Variants in SEPTIN9 observed in about 807,000 individuals in gnomAD.
The protein encoded by SEPTIN9 is septin-9.
A neutral mutation model predicts 56.6 loss-of-function variants in SEPTIN9; 13 were observed. The ratio of observed to expected loss-of-function variants is 0.23; its 90% CI spans 0.15 to 0.37. The LOEUF (loss-of-function observed/expected upper bound fraction) is 0.37. SEPTIN9 is among the 10% of genes least tolerant of loss of function. The pLI is 1.00. For missense variants in SEPTIN9, 650 were observed against 823.1 expected (o/e 0.79, Z 2.57); for synonymous variants, 332 against 334.1 (o/e 0.99, Z 0.07).
chr17:77,281,566 G>T lies in SEPTIN9; in HGVS notation c.19+12G>T. 1 of 1,538,926 alleles carries T rather than the reference G, an allele frequency of 6.5e-7. No homozygotes were observed. Among genetic ancestry groups the T allele is most frequent in the Non-Finnish European group, 8.8e-7 (1 of 1,142,176 alleles). ...GAAGTCTTACTCAGGTGGGCTTCGC[G>T]CCCGGGGTGGGGAGGGGTCGGTGTC... On this transcript the variant is annotated intron_variant, in intron 1 of 11. Coordinates refer to ENST00000427177, the MANE Select transcript of SEPTIN9 (RefSeq NM_001113491.2).
intron 2 of SEPTIN9, among the ~76,000 whole-genome samples, chr17:77,379,341 C>A (rs1236187054): frequency 6.6e-6 from 1 of 151,788 alleles, no homozygotes; most frequent in African/African-American, 2.4e-5. Context: ...GTGCCCGGTA[C>A]ACAGTGGCCA....
At chr17:77,432,532 T>A (rs1253959321) in intron 3 of SEPTIN9, among the ~76,000 whole-genome samples, 1 of 152,224 alleles carries the variant, frequency 6.6e-6, no homozygotes, top group Non-Finnish European at 1.5e-5. Flanking sequence ...CAATGTGAAG[T>A]TCTTGGAGAC....
Position 77,402,725 on chromosome 17 carries a change from C to G in SEPTIN9, c.721+22C>G. ...GAGGGTGAGTCGCAGAGCGCTAGGT[C>G]TTGGATGCTGTGGTAATGGGGGGCC... On this transcript the variant is annotated intron_variant, in intron 3 of 11. Transcript: ENST00000427177. The surrounding 1 kb of genome is among the most constrained non-coding windows in gnomAD (Gnocchi z 6.6). The G allele has an allele frequency of 6.5e-7, 1 of 1,537,356 alleles. No homozygotes were observed. Among genetic ancestry groups the G allele is most frequent in the Non-Finnish European group, 8.7e-7 (1 of 1,145,814 alleles).
chr17:77,410,253 T>C (rs2144144401), intron 3 of SEPTIN9, among the ~76,000 whole-genome samples: 1 of 152,278 alleles, frequency 6.6e-6, no homozygotes, highest in East Asian at 1.9e-4. Context: ...CTGCTGCTAC[T>C]GGGTGTACTC....
intron 2 of SEPTIN9, among the ~76,000 whole-genome samples, chr17:77,354,888 G>T (rs2034177295): frequency 6.6e-6 from 1 of 152,014 alleles, no homozygotes. Context: ...ACCTGGCGTG[G>T]CAGGCCCGAG....
chr17:77,462,906 T>C (rs1025393004), intron 3 of SEPTIN9, among the ~76,000 whole-genome samples: 4 of 152,190 alleles, frequency 2.6e-5, no homozygotes, highest in Non-Finnish European at 5.9e-5. Flanking sequence ...CCTTCCAAAG[T>C]GCTGGGATTG....
chr17:77,315,975 A>G (rs1265894637), intron 2 of SEPTIN9, among the ~76,000 whole-genome samples: 1 of 152,190 alleles, frequency 6.6e-6, no homozygotes, highest in Non-Finnish European at 1.5e-5. Context: ...AGTTTCCCAA[A>G]GCCGTGGGCC....
At chr17:77,415,976 A>G (rs892352788) in intron 3 of SEPTIN9, among the ~76,000 whole-genome samples, 9 of 152,240 alleles carry the variant, frequency 5.9e-5, no homozygotes, top group Non-Finnish European at 1.2e-4. Flanking sequence ...AGGAATCAAC[A>G]CAGATAGTAT....
At chr17:77,431,130 C>G (rs1026556241) in intron 3 of SEPTIN9, among the ~76,000 whole-genome samples, 1 of 152,172 alleles carries the variant, frequency 6.6e-6, no homozygotes, top group Non-Finnish European at 1.5e-5. Context: ...CGCTTGAGGC[C>G]AGGCGTTCGA....
chr17:77,458,664 C>T (rs1030041962), intron 3 of SEPTIN9, among the ~76,000 whole-genome samples: 3 of 152,198 alleles, frequency 2.0e-5, no homozygotes, highest in Admixed American at 1.3e-4. Flanking sequence ...TTGTGTGTTA[C>T]CAGCTGCGGT....
rs1043173630 is a variant in SEPTIN9 at position 77,475,168 on chromosome 17, A to G, written c.722-6976A>G. ...AGAAAGCCGGGCTGGGGTGAGCGTG[A>G]TGGATGAGGTGTCTGGCTTCACAAA... On this transcript the variant is annotated intron_variant, in intron 3 of 11. Transcript: ENST00000427177. The surrounding 1 kb of genome is among the most constrained non-coding windows in gnomAD (Gnocchi z 4.6). 1.3e-5 allele frequency: 15 copies of G among 1,120,990 alleles called. No homozygotes were observed. Among genetic ancestry groups the G allele is most frequent in the African/African-American group, 4.8e-5 (3 of 63,128 alleles). 69.4% of individuals were successfully genotyped at this position (1,120,990 alleles called of 1,614,324 possible).
chr17:77,337,825 G>C (rs2033602800), intron 2 of SEPTIN9, among the ~76,000 whole-genome samples: 1 of 152,150 alleles, frequency 6.6e-6, no homozygotes, highest in South Asian at 2.1e-4. Context: ...CCTAGGGTTT[G>C]CTTCCAGACC....
rs2037202776 is a variant in SEPTIN9, at chr17:77,433,011, G to C, written c.721+30308G>C. Among the ~76,000 whole-genome samples the C allele has an allele frequency of 6.6e-6, 1 of 152,200 alleles. No homozygotes were observed. Among genetic ancestry groups the C allele is most frequent in the South Asian group, 2.1e-4 (1 of 4,836 alleles). ...TCAGAGAATCCCCTGTCGCCGTGGC[G>C]GGGCTGTTCCCTCCTGCCCCTCCCC... is the stretch of plus-strand genomic sequence containing the variant. On this transcript the variant is annotated intron_variant, in intron 3 of 11. Coordinates refer to ENST00000427177, the MANE Select transcript of SEPTIN9 (RefSeq NM_001113491.2). The surrounding 1 kb of genome is among the most constrained non-coding windows in gnomAD (Gnocchi z 6.4).
In SEPTIN9 at chr17:77,402,742, T is replaced by C. The variant is rs766785591; in HGVS notation, c.721+39T>C. The C allele has an allele frequency of 9.3e-5, 141 of 1,515,892 alleles. No homozygotes were observed. The highest frequency in any genetic ancestry group is 1.2e-4 in the Non-Finnish European group (136 of 1,133,916). The allele number at this position is 1,515,892 out of a possible 1,614,324, so 93.9% of individuals were successfully genotyped here. On this transcript the variant is annotated intron_variant, in intron 3 of 11. Transcript: ENST00000427177. This position sits in a 1 kb window ranked among gnomAD's most constrained non-coding sequence, Gnocchi z 6.6. ...CGCTAGGTCTTGGATGCTGTGGTAA[T>C]GGGGGGCCTGGTTGCTGGCTTTGCC...
chr17:77,497,262 C>A, intron 10 of SEPTIN9, 53 bp from the exon 11 acceptor site: 1 of 1,554,428 alleles, frequency 6.4e-7, no homozygotes, highest in Non-Finnish European at 8.8e-7. Context: ...AGGTGGGGTC[C>A]GGGCAGAGTT....
intron 2 of SEPTIN9, among the ~76,000 whole-genome samples, chr17:77,321,595 A>C (rs1488017168): frequency 7.2e-5 from 11 of 152,006 alleles, no homozygotes; most frequent in Non-Finnish European, 1.5e-4. Context: ...TCACCGTGTC[A>C]ACCAGGATGG....
At chr17:77,443,538 A>ATC (rs1206073662) in intron 3 of SEPTIN9, among the ~76,000 whole-genome samples, 2 of 152,200 alleles carry the variant, frequency 1.3e-5, no homozygotes, top group Non-Finnish European at 2.9e-5. Context: ...CACGCCTATA[A>ATC]TCCCAGCACT....
At chr17:77,372,206 G>A (rs11077906) in intron 2 of SEPTIN9, among the ~76,000 whole-genome samples, 21,109 of 152,208 alleles carry the variant, frequency 0.14, 1,803 homozygotes, top group South Asian at 0.23. Context: ...TCTAAGGGAC[G>A]GGGTGACAGG....
chr17:77,457,243 G>A (rs1160485069), intron 3 of SEPTIN9, among the ~76,000 whole-genome samples: 1 of 152,100 alleles, frequency 6.6e-6, no homozygotes, highest in Non-Finnish European at 1.5e-5. Context: ...GCTGCGTACC[G>A]AGAGTCCCAT....
Sources: gnomAD v4.1 joint callset for allele counts (sites outside exome capture counted in the v4.1 genomes callset) on GRCh38, gnomAD v4.1.1 for gene constraint, Gnocchi (gnomAD v3.1) non-coding constraint, MANE v1.5 for transcripts, NCBI Gene and HGNC (gene_info 2026-07-23, HGNC 2026-07-21) for gene names.